NRG3: variants seen among roughly 807,000 people sequenced by gnomAD.
The protein encoded by NRG3 is pro-neuregulin-3, membrane-bound isoform.
A neutral mutation model predicts 66.9 loss-of-function variants in NRG3; 31 were observed. The observed-to-expected ratio is 0.46, with a 90% CI of 0.35 to 0.63. NRG3 has a LOEUF of 0.63. NRG3 is among the 20% of genes least tolerant of loss of function. The probability of loss-of-function intolerance (pLI) is 0.00; values close to 1 mark genes in which losing one functional copy is unlikely to be tolerated. For missense variants in NRG3, 910 were observed against 878.9 expected (o/e 1.04, Z -0.45); for synonymous variants, 393 against 359.4 (o/e 1.09, Z -1.06).
At chr10:82,250,391 C>G (rs536802546) in intron 1 of NRG3, among the ~76,000 whole-genome samples, 8 of 152,046 alleles carry the variant, frequency 5.3e-5, no homozygotes, top group African/African-American at 1.9e-4. Flanking sequence ...TGGAGACCAG[C>G]CTGGCCAACA....
At chr10:82,825,338 A>T (rs184624721) in intron 3 of NRG3, among the ~76,000 whole-genome samples, 2 of 152,212 alleles carry the variant, frequency 1.3e-5, no homozygotes, top group East Asian at 1.9e-4. Context: ...TCTTGAGTTA[A>T]TTTTTTCCTT....
chr10:82,054,494 G>A (rs1032003882), intron 1 of NRG3, among the ~76,000 whole-genome samples: 4 of 152,074 alleles, frequency 2.6e-5, no homozygotes, highest in African/African-American at 9.7e-5. Context: ...TTTAGATGTG[G>A]GTGGAGCACA....
Position 82,951,540 on chromosome 10 carries a change from A to C in NRG3, c.1126A>C (p.Met376Leu). ...CIIFGIVIVG[M>L]FCAAFYFKSK... ...CATCTTTGGAATTGTCATCGTGGGC[A>C]TGTTCTGTGCAGCATTCTACTTCAA... The change falls in exon 5 of 9, where the codon ATG becomes CTG. Residue 376 changes from methionine (M) to leucine (L), a missense_variant. Met to Leu is a conservative substitution (Grantham distance 15, BLOSUM62 2). Coordinates refer to ENST00000372141, the MANE Select transcript of NRG3 (RefSeq NM_001010848.4). 1.9e-6 allele frequency: 3 copies of C among 1,613,964 alleles called. No homozygotes were observed. The highest frequency in any genetic ancestry group is 2.5e-6 in the Non-Finnish European group (3 of 1,179,832).
At chr10:82,126,625 G>T (rs2068465581) in intron 1 of NRG3, among the ~76,000 whole-genome samples, 2 of 152,054 alleles carry the variant, frequency 1.3e-5, no homozygotes, top group Non-Finnish European at 2.9e-5. Flanking sequence ...AAAGACCAAA[G>T]AATTAATTTC....
chr10:82,890,392 A>T (rs925631186), intron 4 of NRG3, among the ~76,000 whole-genome samples: 2 of 152,112 alleles, frequency 1.3e-5, no homozygotes, highest in African/African-American at 4.8e-5. Context: ...AAAACAACAA[A>T]TATCTTATTA....
intron 4 of NRG3, among the ~76,000 whole-genome samples, chr10:82,916,038 C>T (rs1481200002): frequency 6.6e-6 from 1 of 151,962 alleles, no homozygotes; most frequent in African/African-American, 2.4e-5. Context: ...CAAAAAAATC[C>T]AAAAAATATA....
At chr10:82,398,208 G>A (rs1460033714) in intron 2 of NRG3, among the ~76,000 whole-genome samples, 1 of 152,144 alleles carries the variant, frequency 6.6e-6, no homozygotes, top group African/African-American at 2.4e-5. Context: ...AGCAGCAGTA[G>A]TCCTGTGAAA....
At chr10:82,539,260 T>C (rs1590569125) in intron 2 of NRG3, among the ~76,000 whole-genome samples, 1 of 152,308 alleles carries the variant, frequency 6.6e-6, no homozygotes, top group East Asian at 1.9e-4. Flanking sequence ...TGTGCAATTG[T>C]TAAAGCATGA....
At chr10:82,208,763 C>T (rs1040074193) in intron 1 of NRG3, among the ~76,000 whole-genome samples, 3 of 152,028 alleles carry the variant, frequency 2.0e-5, no homozygotes, top group African/African-American at 7.2e-5. Flanking sequence ...TTTCATGCCT[C>T]ATAACAATTT....
chr10:82,934,785 G>A (rs569792883), intron 4 of NRG3, among the ~76,000 whole-genome samples: 14 of 152,224 alleles, frequency 9.2e-5, no homozygotes, highest in Admixed American at 5.2e-4. Context: ...CTTAAAAGGC[G>A]CACAATTTTT....
intron 2 of NRG3, among the ~76,000 whole-genome samples, chr10:82,712,704 G>A (rs966342212): frequency 6.6e-6 from 1 of 152,138 alleles, no homozygotes; most frequent in Non-Finnish European, 1.5e-5. Context: ...GTTGTCACCT[G>A]AGCAAGGTCT....
chr10:82,720,875 C>CTG lies in NRG3; in HGVS notation c.954-17701_954-17700insGT, dbSNP rs553407153. On this transcript the variant is annotated intron_variant, in intron 2 of 8. Coordinates refer to ENST00000372141, the MANE Select transcript of NRG3 (RefSeq NM_001010848.4). Reference sequence around the variant, plus strand: ...CACTTGATTAACTGAATCTCTCTCTCTCTTTTAGCAGAAACTAATCACCAT... The same window carrying CTG: ...CACTTGATTAACTGAATCTCTCTCTCTGTCTTTTAGCAGAAACTAATCACCAT... Among the ~76,000 whole-genome samples the CTG allele has an allele frequency of 9.7e-4, 131 of 135,388 alleles. 1 individual carries two copies. In the East Asian group the frequency reaches 0.025, roughly 26 times the overall value. The allele number at this position is 135,388 out of a possible 152,430, so 88.8% of individuals were successfully genotyped here.
intron 1 of NRG3, among the ~76,000 whole-genome samples, chr10:82,142,074 G>A (rs940857700): frequency 1.3e-5 from 2 of 152,092 alleles, no homozygotes; most frequent in Non-Finnish European, 2.9e-5. Flanking sequence ...ACAGATTGAG[G>A]CCAACAAATA....
intron 2 of NRG3, among the ~76,000 whole-genome samples, chr10:82,481,408 C>T (rs950298754): frequency 2.0e-5 from 3 of 152,218 alleles, no homozygotes; most frequent in Admixed American, 6.5e-5. Context: ...CTCCCCCACA[C>T]TTCCTTCCTG....
intron 1 of NRG3, among the ~76,000 whole-genome samples, chr10:81,967,336 G>GT (rs981854462): frequency 1.3e-5 from 2 of 150,914 alleles, no homozygotes; most frequent in South Asian, 2.1e-4. Flanking sequence ...TATTGTATAG[G>GT]TTTTTTTTCT....
intron 3 of NRG3, among the ~76,000 whole-genome samples, chr10:82,763,328 A>C (rs1591447357): frequency 1.3e-5 from 2 of 152,314 alleles, no homozygotes; most frequent in East Asian, 1.9e-4. Flanking sequence ...AGAAAGTATT[A>C]AAGAAATATC....
intron 1 of NRG3, among the ~76,000 whole-genome samples, chr10:82,305,287 G>T (rs370246323): frequency 6.6e-6 from 1 of 151,860 alleles, no homozygotes; most frequent in South Asian, 2.1e-4. Flanking sequence ...GAGCTACCGC[G>T]CCCGGCCCAA....
At chr10:82,918,022 A>G (rs959716604) in intron 4 of NRG3, among the ~76,000 whole-genome samples, 1 of 145,958 alleles carries the variant, frequency 6.9e-6, no homozygotes, top group African/African-American at 2.6e-5. Context: ...CTATATATAT[A>G]CATACATATT....
intron 3 of NRG3, among the ~76,000 whole-genome samples, chr10:82,805,839 G>C (rs2061255751): frequency 6.6e-6 from 1 of 152,100 alleles, no homozygotes; most frequent in Non-Finnish European, 1.5e-5. Context: ...TAAATATTCT[G>C]AATTTGGTGG....
Sources: allele counts gnomAD v4.1 joint callset (sites outside exome capture counted in the v4.1 genomes callset), GRCh38; gene constraint gnomAD v4.1.1; transcripts MANE v1.5; gene names NCBI Gene and HGNC (gene_info 2026-07-23, HGNC 2026-07-21).